TENM2: variants seen among roughly 807,000 people sequenced by gnomAD.
The protein encoded by TENM2 is teneurin transmembrane protein 2, also known as teneurin-2.
In TENM2, 52 loss-of-function variants were observed where a neutral mutation model predicts 245.2. The observed-to-expected ratio is 0.21, with a 90% CI of 0.17 to 0.27. The LOEUF (loss-of-function observed/expected upper bound fraction) is 0.27, where lower values mean the gene tolerates loss of function less well. Ranked by LOEUF, TENM2 falls within the 10% of genes least tolerant of loss-of-function variation. The pLI is 1.00. For missense variants in TENM2, 3,046 were observed against 3,666.8 expected (o/e 0.83, Z 4.37); for synonymous variants, 1,363 against 1,438.9 (o/e 0.95, Z 1.19).
At chr5:167,536,691 C>CA (rs1771874453) in intron 2 of TENM2, among the ~76,000 whole-genome samples, 1 of 152,034 alleles carries the variant, frequency 6.6e-6, no homozygotes, top group African/African-American at 2.4e-5. Context: ...CTCAGACTTA[C>CA]GGTTGATGAG....
chr5:167,064,557 A>G, the TENM2 span, among the ~76,000 whole-genome samples: 90 of 145,606 alleles, frequency 6.2e-4, no homozygotes, highest in Admixed American at 2.4e-3. Context: ...TTTGTTCCTC[A>G]TATAATAGAG....
intron 7 of TENM2, among the ~76,000 whole-genome samples, chr5:168,083,736 T>A (rs1581250393): frequency 6.6e-6 from 1 of 152,306 alleles, no homozygotes. Context: ...AGACGTTTTT[T>A]AAAAAAATAA....
rs112328473 is a variant in TENM2 at position 167,649,853 on chromosome 5, G to T, written c.503-226133G>T. 3.9e-5 allele frequency among the ~76,000 whole-genome samples: 6 copies of T among 152,260 alleles called. 1 individual carries two copies. Among genetic ancestry groups the T allele is most frequent in the African/African-American group, 1.4e-4 (6 of 41,554 alleles). On this transcript the variant is annotated intron_variant, in intron 2 of 28. Coordinates refer to ENST00000518659, the Ensembl canonical transcript of TENM2. ...TCAAAGTCTCTGGCAACAGAGTACT[G>T]CTCAGTATTTCAAAGATAAAATATG...
At chr5:167,387,192 T>C (rs948048242) in intron 2 of TENM2, among the ~76,000 whole-genome samples, 1 of 152,152 alleles carries the variant, frequency 6.6e-6, no homozygotes, top group Non-Finnish European at 1.5e-5. Context: ...TAGGCAGTGT[T>C]TTGTAGTTTT....
At position 168,224,647 on chromosome 5, in the gene TENM2, C is replaced by T. The variant is rs575291855; in HGVS notation, c.5109-1441C>T. On this transcript the variant is annotated intron_variant, in intron 23 of 28. Transcript: ENST00000518659. ...ATCCTTCTCTGAGGACCCCCCATCC[C>T]CACGCGCTGCACAAGCTCCAGTTCC... 9.8e-5 allele frequency among the ~76,000 whole-genome samples: 15 copies of T among 152,298 alleles called. No individual in the cohort carries two copies. In the East Asian group the frequency reaches 1.9e-3, roughly 20 times the overall value.
chr5:168,097,905 C>T (rs975755443), intron 8 of TENM2, 121 bp from the exon 11 acceptor site: 8 of 686,904 alleles, frequency 1.2e-5, no homozygotes, highest in African/African-American at 1.1e-4. Context: ...CTGACCGATC[C>T]CCTATGACAG....
intron 7 of TENM2, among the ~76,000 whole-genome samples, chr5:168,073,210 A>G (rs1007882651): frequency 6.6e-6 from 1 of 152,206 alleles, no homozygotes; most frequent in African/African-American, 2.4e-5. Context: ...CCCTCACATA[A>G]CATGTTCAAC....
the TENM2 span, among the ~76,000 whole-genome samples, chr5:167,186,472 C>A: frequency 6.6e-6 from 1 of 152,056 alleles, no homozygotes; most frequent in African/African-American, 2.4e-5. Context: ...CTTGCTGAAG[C>A]GAAGAAAGAA....
chr5:168,177,922 G>A (rs1258208535), intron 13 of TENM2, among the ~76,000 whole-genome samples: 1 of 152,204 alleles, frequency 6.6e-6, no homozygotes, highest in Admixed American at 6.5e-5. Flanking sequence ...CAGCAGCCAC[G>A]TTTAGGAATG....
At chr5:167,931,558 A>G (rs1387913089) in intron 3 of TENM2, among the ~76,000 whole-genome samples, 12 of 151,826 alleles carry the variant, frequency 7.9e-5, no homozygotes, top group South Asian at 2.1e-4. Flanking sequence ...TTGGAAAAAA[A>G]AAAAAAAAAA....
intron 4 of TENM2, among the ~76,000 whole-genome samples, chr5:167,984,788 C>T (rs1373707866): frequency 6.6e-6 from 1 of 152,112 alleles, no homozygotes; most frequent in Non-Finnish European, 1.5e-5. Context: ...GGTGCAGTAT[C>T]CATCATTTTT....
At chr5:167,649,348 G>C (rs1421245723) in intron 2 of TENM2, among the ~76,000 whole-genome samples, 1 of 152,170 alleles carries the variant, frequency 6.6e-6, no homozygotes, top group Non-Finnish European at 1.5e-5. Context: ...TTGATGGGCA[G>C]GTGGTGCTGG....
chr5:167,610,363 C>T (rs532805271), intron 2 of TENM2, among the ~76,000 whole-genome samples: 4 of 152,022 alleles, frequency 2.6e-5, no homozygotes, highest in African/African-American at 4.8e-5. Flanking sequence ...CATTGTTGAC[C>T]GACTCAACCT....
intron 13 of TENM2, chr5:168,187,126 G>A (rs1351357372): frequency 6.6e-6 from 1 of 152,170 alleles, no homozygotes. Context: ...GAAATCATTT[G>A]TATCCTATTT....
At chr5:167,225,985 G>T in the TENM2 span, among the ~76,000 whole-genome samples, 1 of 151,692 alleles carries the variant, frequency 6.6e-6, no homozygotes, top group African/African-American at 2.4e-5. Context: ...ATGATCTTTT[G>T]TATTTTTGTT....
At chr5:167,936,542 C>T (rs769851161) in intron 3 of TENM2, among the ~76,000 whole-genome samples, 23 of 152,164 alleles carry the variant, frequency 1.5e-4, no homozygotes, top group Non-Finnish European at 2.9e-5. Context: ...AGTGTCTCTG[C>T]CTGAAATGGC....
intron 25 of TENM2, among the ~76,000 whole-genome samples, chr5:168,231,502 A>G (rs1460387424): frequency 6.6e-6 from 1 of 152,242 alleles, no homozygotes; most frequent in East Asian, 1.9e-4. Context: ...GAGACTGCAC[A>G]TGGAAAAGAA....
exon 29 of TENM2, chr5:168,262,420 C>G: frequency 6.3e-7 from 1 of 1,581,364 alleles, no homozygotes; most frequent in African/African-American, 1.3e-5. Flanking sequence ...TGCTAGAGAG[C>G]GGGGTGAACG....
chr5:167,239,060 G>A, the TENM2 span, among the ~76,000 whole-genome samples: 27 of 152,250 alleles, frequency 1.8e-4, no homozygotes, highest in South Asian at 4.1e-3. Flanking sequence ...ATCAGCAGAC[G>A]AAATAAATCC....
Sources: allele counts gnomAD v4.1 joint callset (sites outside exome capture counted in the v4.1 genomes callset), GRCh38; gene constraint gnomAD v4.1.1; transcripts MANE v1.5; gene names NCBI Gene and HGNC (gene_info 2026-07-23, HGNC 2026-07-21).